Variants in CSMD3 observed in about 807,000 individuals in gnomAD.
CSMD3 encodes CUB and sushi domain-containing protein 3.
CSMD3 carries 177 observed loss-of-function variants against 435.2 expected under a neutral mutation model. The observed-to-expected ratio is 0.41, with a 90% CI of 0.36 to 0.46. The LOEUF is 0.46. Ranked by LOEUF, CSMD3 falls within the 20% of genes least tolerant of loss-of-function variation. The pLI is 0.34. For missense variants in CSMD3, 4,265 were observed against 4,504.6 expected, an observed-to-expected ratio of 0.95 and a Z score of 1.52; for synonymous variants, 1,656 against 1,520.5, an observed-to-expected ratio of 1.09 and a Z score of -2.07.
At chr8:112,713,716 A>G (rs1410565074) in intron 13 of CSMD3, among the ~76,000 whole-genome samples, 1 of 152,202 alleles carries the variant, frequency 6.6e-6, no homozygotes, top group Admixed American at 6.6e-5. Flanking sequence ...CAAACTATCA[A>G]GAGATCTCTC....
At chr8:112,937,341 T>C (rs1037103486) in intron 9 of CSMD3, among the ~76,000 whole-genome samples, 1 of 147,536 alleles carries the variant, frequency 6.8e-6, no homozygotes, top group African/African-American at 2.5e-5. Flanking sequence ...TTTTTGGACC[T>C]AGGTAATAAT....
At chr8:113,370,793 T>C (rs1167817861) in intron 1 of CSMD3, among the ~76,000 whole-genome samples, 1 of 152,056 alleles carries the variant, frequency 6.6e-6, no homozygotes, top group Non-Finnish European at 1.5e-5. Flanking sequence ...TATTCTCAGG[T>C]CTTCTCTAAT....
chr8:113,153,292 C>T (rs1251416950), intron 4 of CSMD3, among the ~76,000 whole-genome samples: 2 of 151,802 alleles, frequency 1.3e-5, no homozygotes, highest in Non-Finnish European at 2.9e-5. Flanking sequence ...CTTTGCATCA[C>T]TCACTTCCTT....
intron 70 of CSMD3, among the ~76,000 whole-genome samples, chr8:112,226,518 G>T (rs2129793087): frequency 6.6e-6 from 1 of 152,114 alleles, no homozygotes; most frequent in Non-Finnish European, 1.5e-5. Flanking sequence ...TGGTTTCTTG[G>T]ATTTGACATC....
intron 5 of CSMD3, among the ~76,000 whole-genome samples, chr8:113,043,045 GT>G (rs1053758327): frequency 1.3e-5 from 2 of 152,148 alleles, no homozygotes; most frequent in Non-Finnish European, 2.9e-5. Flanking sequence ...ATCCTAACTA[GT>G]TTCGTGTCTC....
At chr8:113,106,976 C>T (rs1032605902) in intron 4 of CSMD3, among the ~76,000 whole-genome samples, 1 of 152,032 alleles carries the variant, frequency 6.6e-6, no homozygotes, top group African/African-American at 2.4e-5. Flanking sequence ...AATTTTAGAA[C>T]ATTTTCATCA....
intron 11 of CSMD3, among the ~76,000 whole-genome samples, chr8:112,855,903 T>C (rs560418400): frequency 6.7e-6 from 1 of 148,554 alleles, no homozygotes; most frequent in Non-Finnish European, 1.5e-5. Context: ...TTATTTACAC[T>C]CAAGCAATGT....
chr8:112,964,326 C>T (rs2084338527), intron 7 of CSMD3, among the ~76,000 whole-genome samples: 1 of 151,792 alleles, frequency 6.6e-6, no homozygotes, highest in South Asian at 2.1e-4. Context: ...TTAGTGTATC[C>T]TATCCTAATT....
At chr8:113,212,687 A>G (rs2092851803) in intron 3 of CSMD3, among the ~76,000 whole-genome samples, 1 of 151,700 alleles carries the variant, frequency 6.6e-6, no homozygotes, top group African/African-American at 2.4e-5. Context: ...GAATTGAACA[A>G]TGAGAACACT....
intron 32 of CSMD3, among the ~76,000 whole-genome samples, chr8:112,439,408 G>C (rs1814734278): frequency 6.6e-6 from 1 of 151,810 alleles, no homozygotes; most frequent in Non-Finnish European, 1.5e-5. Flanking sequence ...CAAAGTGCTG[G>C]GATTATAGGT....
At chr8:112,390,888 G>T in intron 35 of CSMD3, 100 bp from the exon 36 acceptor site, 1 of 1,104,368 alleles carries the variant, frequency 9.1e-7, no homozygotes, top group Non-Finnish European at 1.4e-6. Context: ...TACTAGACTT[G>T]CAAATCAAAT....
intron 1 of CSMD3, among the ~76,000 whole-genome samples, chr8:113,342,571 A>G (rs2132854008): frequency 6.6e-6 from 1 of 152,232 alleles, no homozygotes; most frequent in Non-Finnish European, 1.5e-5. Flanking sequence ...TGCAAGTAAA[A>G]TTTGTACCCT....
At position 112,596,972 on chromosome 8, in the gene CSMD3, C is replaced by G. The variant is rs923274635; in HGVS notation, c.3716-9737G>C. The stretch of plus-strand genomic sequence containing the variant: ...ATTAAAAGAACTAGAAAAGCAAGAG[C>G]AAACACATTCAAAAGCTAGCAGAAA... On this transcript the variant is annotated intron_variant, in intron 22 of 70. Transcript: ENST00000297405. 2.9e-4 allele frequency among the ~76,000 whole-genome samples: 44 copies of G among 151,976 alleles called. 1 individual carries two copies. Among genetic ancestry groups the G allele is most frequent in the Non-Finnish European group, 1.0e-4 (7 of 67,998 alleles).
chr8:113,299,991 C>CAA lies in CSMD3; in HGVS notation c.401+14578_401+14579dup, dbSNP rs200583396. Among the ~76,000 whole-genome samples the CAA allele has an allele frequency of 1.1e-3, 161 of 142,568 alleles. 1 individual carries two copies. Among genetic ancestry groups the CAA allele is most frequent in the African/African-American group, 3.6e-3 (140 of 39,100 alleles). 93.5% of individuals were successfully genotyped at this position (142,568 alleles called of 152,430 possible). ...TGGGTGACAGAGCAAGCCTCCATCTCAAAAAAAAAAAAATTAGCAAAGCAT... is the reference window on the plus strand; with the variant it reads ...TGGGTGACAGAGCAAGCCTCCATCTCAAAAAAAAAAAAAAATTAGCAAAGCAT... On this transcript the variant is annotated intron_variant, in intron 2 of 70. Transcript: ENST00000297405.
chr8:112,652,210 A>C (rs1255577975), intron 18 of CSMD3, among the ~76,000 whole-genome samples: 1 of 152,132 alleles, frequency 6.6e-6, no homozygotes, highest in East Asian at 1.9e-4. Flanking sequence ...TTTTATATCA[A>C]TCAGATAAGT....
intron 1 of CSMD3, among the ~76,000 whole-genome samples, chr8:113,315,971 A>G (rs768341597): frequency 5.3e-5 from 8 of 152,036 alleles, no homozygotes; most frequent in Non-Finnish European, 1.2e-4. Context: ...CACCCACCTC[A>G]GTTTCCCGAA....
At chr8:112,676,306 T>C (rs1315671361) in intron 16 of CSMD3, among the ~76,000 whole-genome samples, 1 of 151,854 alleles carries the variant, frequency 6.6e-6, no homozygotes, top group Non-Finnish European at 1.5e-5. Context: ...ATGAATGCAA[T>C]AGAGAGCAGA....
intron 47 of CSMD3, among the ~76,000 whole-genome samples, chr8:112,317,666 A>G (rs530272990): frequency 1.3e-5 from 2 of 152,164 alleles, no homozygotes; most frequent in Admixed American, 6.6e-5. Context: ...TCCTAATAGC[A>G]GTAAGACCAT....
intron 9 of CSMD3, among the ~76,000 whole-genome samples, chr8:112,944,256 A>G (rs972784465): frequency 1.3e-5 from 2 of 151,638 alleles, no homozygotes; most frequent in Non-Finnish European, 3.0e-5. Context: ...TCATCTTCCA[A>G]TCACAAAATA....
Sources: gnomAD v4.1 joint callset for allele counts (sites outside exome capture counted in the v4.1 genomes callset) on GRCh38, gnomAD v4.1.1 for gene constraint, MANE v1.5 for transcripts, NCBI Gene and HGNC (gene_info 2026-07-23, HGNC 2026-07-21) for gene names.